The following PTPRK variants were observed in gnomAD, a reference collection of about 807,000 sequenced individuals.
PTPRK encodes the protein protein tyrosine phosphatase receptor type K.
PTPRK carries 75 observed loss-of-function variants against 178.0 expected under a neutral mutation model. The ratio of observed to expected loss-of-function variants is 0.42; its 90% CI spans 0.35 to 0.51. The LOEUF is 0.51. Ranked by LOEUF, PTPRK falls within the 20% of genes least tolerant of loss-of-function variation. The pLI is 0.02. For missense variants in PTPRK, 1,441 were observed against 1,797.8 expected (o/e 0.80, Z 3.59); for synonymous variants, 637 against 620.6 (o/e 1.03, Z -0.39).
At chr6:128,480,792 A>C (rs1211100963) in intron 1 of PTPRK, among the ~76,000 whole-genome samples, 1 of 152,214 alleles carries the variant, frequency 6.6e-6, no homozygotes, top group African/African-American at 2.4e-5. Context: ...ACTTTATCAG[A>C]ATGCTTCCAA....
chr6:128,098,020 T>C (rs1270784262), intron 7 of PTPRK, among the ~76,000 whole-genome samples: 1 of 152,168 alleles, frequency 6.6e-6, no homozygotes, highest in Non-Finnish European at 1.5e-5. Flanking sequence ...GCCTCCTTTA[T>C]CCCTAAAAGA....
intron 7 of PTPRK, among the ~76,000 whole-genome samples, chr6:128,183,846 G>C (rs191409046): frequency 6.9e-4 from 105 of 152,090 alleles, no homozygotes; most frequent in African/African-American, 2.3e-3. Context: ...TCACTACTCA[G>C]TTTTAGTCAT....
At chr6:128,280,055 G>T (rs1318112143) in intron 3 of PTPRK, among the ~76,000 whole-genome samples, 1 of 152,108 alleles carries the variant, frequency 6.6e-6, no homozygotes, top group Non-Finnish European at 1.5e-5. Context: ...TTAAATTCAT[G>T]CATGTATGAA....
intron 2 of PTPRK, among the ~76,000 whole-genome samples, chr6:128,392,627 G>T (rs1839752015): frequency 6.6e-6 from 1 of 152,104 alleles, no homozygotes; most frequent in Non-Finnish European, 1.5e-5. Flanking sequence ...ACATGTCTTT[G>T]AGATCAAAGA....
At chr6:128,252,939 G>C (rs1816705957) in intron 3 of PTPRK, among the ~76,000 whole-genome samples, 1 of 152,078 alleles carries the variant, frequency 6.6e-6, no homozygotes, top group South Asian at 2.1e-4. Flanking sequence ...CCTAATGTCT[G>C]ACACCCCTAT....
At chr6:128,471,234 C>A (rs1850610246) in intron 1 of PTPRK, among the ~76,000 whole-genome samples, 2 of 151,990 alleles carry the variant, frequency 1.3e-5, no homozygotes, top group East Asian at 3.9e-4. Flanking sequence ...ATATGCCACA[C>A]ATCAAGGTAT....
At chr6:127,980,342 A>G (rs548622135) in intron 25 of PTPRK, among the ~76,000 whole-genome samples, 54 of 152,004 alleles carry the variant, frequency 3.6e-4, no homozygotes, top group African/African-American at 1.2e-3. Context: ...CAAACAAAAT[A>G]AGCGGGGTGT....
chr6:128,319,651 A>G (rs72969090), intron 3 of PTPRK, among the ~76,000 whole-genome samples: 10,554 of 152,194 alleles, frequency 0.069, 409 homozygotes, highest in African/African-American at 0.083. Flanking sequence ...CTAAAACACC[A>G]ATCAAAAAAT....
intron 2 of PTPRK, among the ~76,000 whole-genome samples, chr6:128,356,933 T>G (rs1834040178): frequency 6.6e-6 from 1 of 152,210 alleles, no homozygotes. Context: ...GTTCTACAAT[T>G]GTATCAATGC....
At chr6:128,198,872 T>G (rs1358240732) in intron 6 of PTPRK, among the ~76,000 whole-genome samples, 1 of 152,210 alleles carries the variant, frequency 6.6e-6, no homozygotes, top group Non-Finnish European at 1.5e-5. Context: ...GCCTTTGAAT[T>G]ACATTTATGT....
intron 1 of PTPRK, among the ~76,000 whole-genome samples, chr6:128,413,491 G>T (rs1252732523): frequency 1.3e-5 from 2 of 152,096 alleles, no homozygotes; most frequent in Non-Finnish European, 2.9e-5. Flanking sequence ...AAGACAGATG[G>T]CCTCTCTGCA....
chr6:128,311,911 C>T (rs748511915), intron 3 of PTPRK, among the ~76,000 whole-genome samples: 90 of 152,090 alleles, frequency 5.9e-4, no homozygotes, highest in Non-Finnish European at 1.1e-3. Flanking sequence ...ATCACAAAAA[C>T]AGGTTAACAA....
chr6:128,387,936 A>G (rs1450202620), intron 2 of PTPRK, among the ~76,000 whole-genome samples: 1 of 151,812 alleles, frequency 6.6e-6, no homozygotes, highest in Non-Finnish European at 1.5e-5. Context: ...CACTAACGAC[A>G]GCTGATGAGC....
intron 11 of PTPRK, among the ~76,000 whole-genome samples, chr6:128,069,230 T>C (rs774534932): frequency 6.6e-6 from 1 of 152,194 alleles, no homozygotes; most frequent in African/African-American, 2.4e-5. Context: ...TAGGTTCATA[T>C]CCATCTTGTT....
At chr6:128,041,826 A>C (rs1237098324) in intron 13 of PTPRK, among the ~76,000 whole-genome samples, 1 of 146,186 alleles carries the variant, frequency 6.8e-6, no homozygotes, top group African/African-American at 2.7e-5. Context: ...AAGTGTATAT[A>C]TATGTAATAC....
At chr6:128,246,884 C>G (rs958510493) in intron 3 of PTPRK, among the ~76,000 whole-genome samples, 1 of 152,210 alleles carries the variant, frequency 6.6e-6, no homozygotes, top group Non-Finnish European at 1.5e-5. Context: ...ACTCCAGCAA[C>G]AGTCCTGGAT....
intron 3 of PTPRK, among the ~76,000 whole-genome samples, chr6:128,277,488 C>A (rs1241202085): frequency 6.6e-6 from 1 of 152,076 alleles, no homozygotes. Context: ...AGAAAATAAT[C>A]ATATGTTACT....
chr6:128,110,158 G>A (rs965884662), intron 7 of PTPRK, among the ~76,000 whole-genome samples: 8 of 151,958 alleles, frequency 5.3e-5, no homozygotes, highest in African/African-American at 9.7e-5. Flanking sequence ...TTCTGGCCTC[G>A]AGCAGTCCTC....
chr6:128,149,180 G>C (rs1390458240), intron 7 of PTPRK, among the ~76,000 whole-genome samples: 1 of 109,190 alleles, frequency 9.2e-6, no homozygotes, highest in South Asian at 3.9e-4. Flanking sequence ...GTGGGGGGAG[G>C]GGGGAGGGAT....
Sources: gnomAD v4.1 joint callset for allele counts (sites outside exome capture counted in the v4.1 genomes callset) on GRCh38, gnomAD v4.1.1 for gene constraint, MANE v1.5 for transcripts, NCBI Gene and HGNC (gene_info 2026-07-23, HGNC 2026-07-21) for gene names.